The following NDUFS1 variants were observed in gnomAD, a reference collection of about 807,000 sequenced individuals.
NDUFS1 encodes the protein NADH:ubiquinone oxidoreductase core subunit S1.
Under a neutral mutation model 84.4 loss-of-function variants are expected in NDUFS1, and 61 were observed. The ratio of observed to expected loss-of-function variants is 0.72; its 90% CI spans 0.59 to 0.89. The LOEUF (loss-of-function observed/expected upper bound fraction) is 0.89, where lower values mean the gene tolerates loss of function less well. NDUFS1 is among the 40% of genes least tolerant of loss of function. The pLI is 0.00. For missense variants in NDUFS1, 891 were observed against 890.0 expected, an observed-to-expected ratio of 1.00 and a Z score of -0.01; for synonymous variants, 275 against 290.0, an observed-to-expected ratio of 0.95 and a Z score of 0.53.
chr2:206,149,064 C>G lies in NDUFS1; in HGVS notation c.294G>C (p.Lys98Asn). Reference sequence around the variant, plus strand: ...CTGAGTTTGTTAGGATATTCCAACCCTTCATTACTGGCATGGCACAAGCAG... The same window carrying G: ...CTGAGTTTGTTAGGATATTCCAACCGTTCATTACTGGCATGGCACAAGCAG... ...VVAACAMPVM[K>N]GWNILTNSEK... Residue 98 changes from lysine (K) to asparagine (N), a missense_variant, in exon 5 of 19, where the codon AAG becomes AAC. Physicochemically the swap from Lys to Asn is moderately conservative, Grantham distance 94. Transcript: ENST00000233190. The G allele has an allele frequency of 6.2e-7, 1 of 1,613,060 alleles. No individual in the cohort carries two copies. The highest frequency in any genetic ancestry group is 8.5e-7 in the Non-Finnish European group (1 of 1,179,628).
intron 5 of NDUFS1, 95 bp downstream of exon 5, chr2:206,148,925 G>A: frequency 1.1e-6 from 1 of 906,456 alleles, no homozygotes; most frequent in Non-Finnish European, 1.8e-6. Flanking sequence ...TTCCGAGTTT[G>A]ATATTAAATT....
intron 8 of NDUFS1, 41 bp from the exon 9 acceptor site, chr2:206,145,067 A>G: frequency 6.5e-7 from 1 of 1,541,826 alleles, no homozygotes; most frequent in Non-Finnish European, 8.7e-7. Flanking sequence ...GCTTTTGGGA[A>G]TAAAGAAAGT....
At chr2:206,156,432 G>A (rs911838815) in intron 1 of NDUFS1, among the ~76,000 whole-genome samples, 12 of 151,658 alleles carry the variant, frequency 7.9e-5, no homozygotes, top group African/African-American at 2.9e-4. Context: ...AAAATTAGCT[G>A]GGTGTGGTGG....
At position 206,115,977 on chromosome 2, in the gene NDUFS1, A is replaced by T. The variant is rs1575929678; in HGVS notation, c.*8208T>A. On this transcript the variant is annotated 3_prime_UTR_variant, in exon 19 of 19. Transcript: ENST00000233190. Reference sequence around the variant, plus strand: ...TTAAAAGGCATCTTCTTTCATTAGCAGTGTTAACAGTAGTTTTTTTTTCCC... The same window carrying T: ...TTAAAAGGCATCTTCTTTCATTAGCTGTGTTAACAGTAGTTTTTTTTTCCC... 1 of 704,818 alleles carries T rather than the reference A, an allele frequency of 1.4e-6. No homozygotes were observed. The highest frequency in any genetic ancestry group is 2.6e-5 in the East Asian group (1 of 37,836). 43.7% of individuals were successfully genotyped at this position (704,818 alleles called of 1,614,324 possible). A position where few individuals can be genotyped will look rare whatever the true frequency, so the allele number is the denominator to read the frequency against.
intron 11 of NDUFS1, among the ~76,000 whole-genome samples, 159 bp from the exon 12 acceptor site, chr2:206,142,228 T>C (rs1409278144): frequency 1.3e-5 from 2 of 152,208 alleles, no homozygotes; most frequent in Admixed American, 6.5e-5. Context: ...TTATTTTTTT[T>C]CTCAGATAGA....
In NDUFS1 at chr2:206,139,358, G is replaced by T. The variant is rs529411521; in HGVS notation, c.1263-744C>A. ...CTGCCTCTACGCCCAGCTAATTTTT[G>T]TATTTTTAGTAGAAGGCAGGCTTTC... On this transcript the variant is annotated intron_variant, in intron 12 of 18. Transcript: ENST00000233190. 2.6e-5 allele frequency among the ~76,000 whole-genome samples: 4 copies of T among 151,804 alleles called. No individual in the cohort carries two copies. The East Asian group carries it at 7.9e-4, about 30-fold the overall frequency.
intron 11 of NDUFS1, 108 bp from the exon 12 acceptor site, chr2:206,142,177 T>A (rs1691988854): frequency 1.1e-6 from 1 of 902,182 alleles, no homozygotes; most frequent in Non-Finnish European, 1.7e-6. Context: ...AAACAAAAAA[T>A]TTTATGAAGT....
At chr2:206,155,076 T>C (rs759217267) in intron 1 of NDUFS1, among the ~76,000 whole-genome samples, 1 of 151,808 alleles carries the variant, frequency 6.6e-6, no homozygotes, top group Non-Finnish European at 1.5e-5. Context: ...ACTACAGGCA[T>C]GCACAACCAT....
At position 206,149,838 on chromosome 2, in the gene NDUFS1, C is replaced by T. The variant is rs761387021; in HGVS notation, c.241G>A (p.Glu81Lys). 8.2e-6 allele frequency: 13 copies of T among 1,594,466 alleles called. No homozygotes were observed. In the South Asian group the frequency reaches 1.3e-4, roughly 16 times the overall value. The change falls in exon 4 of 19, where the codon GAA (glutamate) becomes AAA (lysine). Residue 81 changes from glutamate (E) to lysine (K), a missense_variant. Physicochemically the swap from Glu to Lys is moderately conservative, Grantham distance 56 (BLOSUM62 1). Coordinates refer to ENST00000233190, the MANE Select transcript of NDUFS1 (RefSeq NM_005006.7). ...AGTACCTTAGGGGCTTTCTCAATTT[C>T]AACAAGGCACATCCTGCAGTTTCCA... is the stretch of plus-strand genomic sequence containing the variant. ...VAGNCRMCLV[E>K]IEKAPKVVAA...
rs10479 is a variant in NDUFS1 at position 206,114,956 on chromosome 2, C to G, written c.*9229G>C. The G allele has an allele frequency of 2.0e-5, 3 of 152,098 alleles. No individual in the cohort carries two copies. Among genetic ancestry groups the G allele is most frequent in the Admixed American group, 2.0e-4 (3 of 15,262 alleles). 9.4% of individuals were successfully genotyped at this position (152,098 alleles called of 1,614,324 possible). ...TTCTGAAGCACTTTCCATATCAGCA[C>G]GTTGAGATCTAGCTCATTGGTTTAA... is the stretch of plus-strand genomic sequence containing the variant. On this transcript the variant is annotated 3_prime_UTR_variant, in exon 19 of 19. Transcript: ENST00000233190.
At chr2:206,134,948 G>A (rs1691653457) in intron 13 of NDUFS1, among the ~76,000 whole-genome samples, 1 of 152,168 alleles carries the variant, frequency 6.6e-6, no homozygotes, top group Non-Finnish European at 1.5e-5. Context: ...TTGCACTGCA[G>A]CCTGGGCAAC....
At chr2:206,136,519 C>T (rs1296269953) in intron 13 of NDUFS1, among the ~76,000 whole-genome samples, 2 of 151,112 alleles carry the variant, frequency 1.3e-5, no homozygotes, top group African/African-American at 2.4e-5. Context: ...CTGCAACCTC[C>T]GTCTTCTGGG....
In NDUFS1 at chr2:206,149,927, T is replaced by C. The variant is rs1378404071; in HGVS notation, c.154-2A>G. The stretch of plus-strand genomic sequence containing the variant: ...CTGCATGCCAACCTTCTCACAAGCC[T>C]AGAAGTAAAAAAAAAAAAAAAAAAA... On this transcript the variant is annotated splice_acceptor_variant, in intron 3 of 18. Transcript: ENST00000233190. LOFTEE classifies it high-confidence loss of function. The C allele has an allele frequency of 1.0e-5, 6 of 588,464 alleles. No individual in the cohort carries two copies. The East Asian group carries it at 1.3e-4, about 12-fold the overall frequency. The allele number at this position is 588,464 out of a possible 1,614,324, so 36.5% of individuals were successfully genotyped here.
intron 12 of NDUFS1, among the ~76,000 whole-genome samples, chr2:206,140,943 T>TATATATATATACACACACACACAC (rs367723817): frequency 2.9e-5 from 4 of 136,110 alleles, no homozygotes; most frequent in South Asian, 4.6e-4. Flanking sequence ...TATATATATA[T>TATATATATATACACACACACACAC]ACACACACAC....
chr2:206,140,943 T>TATATATACACACAC (rs367723817), intron 12 of NDUFS1, among the ~76,000 whole-genome samples: 3 of 136,110 alleles, frequency 2.2e-5, no homozygotes, highest in African/African-American at 5.6e-5. Flanking sequence ...TATATATATA[T>TATATATACACACAC]ACACACACAC....
chr2:206,124,565 C>T lies in NDUFS1; in HGVS notation c.2093-289G>A, dbSNP rs75131425. 7.6e-3 allele frequency among the ~76,000 whole-genome samples: 1,158 copies of T among 152,172 alleles called. 23 individuals carry two copies. The highest frequency in any genetic ancestry group is 0.046 in the Admixed American group (708 of 15,258). On this transcript the variant is annotated intron_variant, in intron 18 of 18. Transcript: ENST00000233190. ...TATTAAAAACATAGGAAAGGCCAGG[C>T]GCGGTGGCTCACACCTGTAATCCCA...
At chr2:206,148,179 C>T (rs998152501) in intron 5 of NDUFS1, among the ~76,000 whole-genome samples, 3 of 152,024 alleles carry the variant, frequency 2.0e-5, no homozygotes, top group Non-Finnish European at 4.4e-5. Context: ...CCCGCCCTGG[C>T]GTCCCAAAGT....
chr2:206,137,039 C>G (rs1691744477), intron 13 of NDUFS1, among the ~76,000 whole-genome samples: 1 of 152,156 alleles, frequency 6.6e-6, no homozygotes, highest in Non-Finnish European at 1.5e-5. Context: ...AGATGTGAGC[C>G]ACCATGCCCG....
chr2:206,127,890 G>GAC lies in NDUFS1; in HGVS notation c.1789_1790dup (p.Asn598SerfsTer12), dbSNP rs750420092. The GAC allele has an allele frequency of 6.2e-7, 1 of 1,614,070 alleles. No individual in the cohort carries two copies. Among genetic ancestry groups the GAC allele is most frequent in the South Asian group, 1.1e-5 (1 of 91,074 alleles). ...TCTGCTGAGCTCTACCCTCAGTGTT[G>GAC]ACATATGTAGCAGACTTCTCTGTGT... is the stretch of plus-strand genomic sequence containing the variant. On this transcript the variant is annotated frameshift_variant, in exon 16 of 19. Transcript: ENST00000233190. LOFTEE classifies it high-confidence loss of function.
Sources: allele counts gnomAD v4.1 joint callset (sites outside exome capture counted in the v4.1 genomes callset), GRCh38; gene constraint gnomAD v4.1.1; transcripts MANE v1.5; gene names NCBI Gene and HGNC (gene_info 2026-07-23, HGNC 2026-07-21).